Variants in DENND2C observed in about 807,000 individuals in gnomAD.
The protein encoded by DENND2C is DENN domain-containing protein 2C.
DENND2C carries 72 observed loss-of-function variants against 112.4 expected under a neutral mutation model. The ratio of observed to expected loss-of-function variants is 0.64; its 90% CI spans 0.53 to 0.78. The LOEUF (loss-of-function observed/expected upper bound fraction) is 0.78. Among genes scored for constraint, DENND2C ranks in the 30% least tolerant of loss-of-function variants. DENND2C has a pLI of 0.00. For missense variants in DENND2C, 992 were observed against 1,113.8 expected (o/e 0.89, Z 1.56); for synonymous variants, 329 against 381.6 (o/e 0.86, Z 1.61).
At chr1:114,611,670 G>A (rs897981387) in intron 8 of DENND2C, among the ~76,000 whole-genome samples, 6 of 151,990 alleles carry the variant, frequency 3.9e-5, no homozygotes, top group African/African-American at 1.5e-4. Context: ...TACTCATACT[G>A]CTTTGAACTA....
At chr1:114,588,103 C>A (rs1655091525) in intron 18 of DENND2C, 151 bp from the exon 19 acceptor site, 2 of 703,184 alleles carry the variant, frequency 2.8e-6, no homozygotes, top group Admixed American at 5.8e-5. Flanking sequence ...CACTTTCTTT[C>A]TGCACGACCT....
intron 3 of DENND2C, among the ~76,000 whole-genome samples, chr1:114,635,666 A>G (rs2101676333): frequency 6.6e-6 from 1 of 152,330 alleles, no homozygotes; most frequent in East Asian, 1.9e-4. Flanking sequence ...AAAGAAAAAT[A>G]CAGAATAATA....
chr1:114,587,451 G>A lies in DENND2C; in HGVS notation c.2691C>T (p.Ile897=). ...ACTCAGGAATTGTTTCCAAATACTG[G>A]ATGGCCCGGATCTCAAACAAACCTA... ...GVKGLFEIRA[I]QYLETIPESE... Residue 897 remains isoleucine (I), a synonymous_variant, in exon 20 of 21, where the codon ATC becomes ATT. Transcript: ENST00000393274. The A allele has an allele frequency of 1.9e-6, 3 of 1,614,138 alleles. No homozygotes were observed. The highest frequency in any genetic ancestry group is 2.5e-6 in the Non-Finnish European group (3 of 1,180,032).
chr1:114,651,149 T>C (rs566746439), intron 2 of DENND2C, among the ~76,000 whole-genome samples: 4 of 150,410 alleles, frequency 2.7e-5, no homozygotes, highest in South Asian at 2.1e-4. Flanking sequence ...CAACAAAACA[T>C]AGTAAGGGCT....
chr1:114,664,829 A>G (rs1281649169), intron 1 of DENND2C, among the ~76,000 whole-genome samples: 2 of 149,600 alleles, frequency 1.3e-5, no homozygotes, highest in Admixed American at 6.6e-5. Context: ...GTGGTGGCTC[A>G]CACCTGTAAT....
chr1:114,601,940 C>G (rs1655522924), intron 12 of DENND2C, among the ~76,000 whole-genome samples, 185 bp downstream of exon 12: 1 of 152,208 alleles, frequency 6.6e-6, no homozygotes, highest in African/African-American at 2.4e-5. Context: ...CATACCCCTT[C>G]TCTTCTAGAA....
chr1:114,618,574 G>T, intron 7 of DENND2C, 92 bp from the exon 8 acceptor site: 1 of 648,498 alleles, frequency 1.5e-6, no homozygotes, highest in South Asian at 2.8e-5. Flanking sequence ...CTTATTCAGA[G>T]AAAAGACCTA....
intron 3 of DENND2C, among the ~76,000 whole-genome samples, chr1:114,635,040 A>AAG (rs1481232423): frequency 6.7e-6 from 1 of 150,008 alleles, no homozygotes; most frequent in Non-Finnish European, 1.5e-5. Flanking sequence ...AAAAAAAAAA[A>AAG]AAAAGAAAAA....
chr1:114,666,249 C>G (rs918465850), intron 1 of DENND2C, among the ~76,000 whole-genome samples: 13 of 152,146 alleles, frequency 8.5e-5, no homozygotes, highest in African/African-American at 3.1e-4. Context: ...ATTTCAATAG[C>G]AACAGCCTCC....
rs766638332 is a variant in DENND2C, at chr1:114,587,875, T to C, written c.2509A>G (p.Met837Val). The C allele has an allele frequency of 3.7e-6, 6 of 1,614,036 alleles. No individual in the cohort carries two copies. Among genetic ancestry groups the C allele is most frequent in the East Asian group, 2.2e-5 (1 of 44,892 alleles). ...VELVGHYSLN[M>V]TVTERGERVF... ...CGCTCCCCACGCTCAGTGACAGTCATGTTCAAAGAATAATGTCCTACCAAC... is the reference window on the plus strand; with the variant it reads ...CGCTCCCCACGCTCAGTGACAGTCACGTTCAAAGAATAATGTCCTACCAAC... The change falls in exon 19 of 21, where the codon ATG becomes GTG. Residue 837 changes from methionine to valine, a missense_variant. Physicochemically the swap from Met to Val is conservative, Grantham distance 21 (BLOSUM62 1). Around this residue, in one of 3 missense-constraint regions of DENND2C, gnomAD observed 516 missense variants for 623.6 expected, o/e 0.83. Transcript: ENST00000393274.
chr1:114,666,465 CT>C (rs924806129), intron 1 of DENND2C, among the ~76,000 whole-genome samples: 2 of 150,688 alleles, frequency 1.3e-5, no homozygotes, highest in African/African-American at 2.4e-5. Context: ...TGAATCATAA[CT>C]TTTTTTTTTA....
intron 11 of DENND2C, among the ~76,000 whole-genome samples, chr1:114,604,083 T>C (rs1168159768): frequency 2.6e-5 from 4 of 152,122 alleles, no homozygotes; most frequent in Admixed American, 2.0e-4. Context: ...TTTATAAAGG[T>C]AGCAGTGCAA....
At chr1:114,616,637 T>A (rs1248883457) in intron 8 of DENND2C, among the ~76,000 whole-genome samples, 1 of 152,026 alleles carries the variant, frequency 6.6e-6, no homozygotes, top group Non-Finnish European at 1.5e-5. Flanking sequence ...GTGGATCACC[T>A]GAGGTCAGGA....
chr1:114,638,789 G>GAAAAAAAAA (rs529570234), intron 3 of DENND2C, among the ~76,000 whole-genome samples: 1 of 135,420 alleles, frequency 7.4e-6, no homozygotes, highest in African/African-American at 2.7e-5. Flanking sequence ...AGAGAAAAAA[G>GAAAAAAAAA]AAAAAAAAAG....
Position 114,585,509 on chromosome 1 carries a change from T to C in DENND2C, c.*91A>G. On this transcript the variant is annotated 3_prime_UTR_variant, in exon 21 of 21. Transcript: ENST00000393274. ...TTAACCTTTTAAAATTTCAAGAATTTTGTAGAATACTTCATGGGATCCTGA... is the reference window on the plus strand; with the variant it reads ...TTAACCTTTTAAAATTTCAAGAATTCTGTAGAATACTTCATGGGATCCTGA... 1 of 1,416,306 alleles carries C rather than the reference T, an allele frequency of 7.1e-7. No homozygotes were observed. The highest frequency in any genetic ancestry group is 9.8e-7 in the Non-Finnish European group (1 of 1,015,820). The allele number at this position is 1,416,306 out of a possible 1,614,324, so 87.7% of individuals were successfully genotyped here.
chr1:114,594,378 T>C, intron 18 of DENND2C, 95 bp downstream of exon 18: 2 of 1,008,666 alleles, frequency 2.0e-6, no homozygotes, highest in Non-Finnish European at 3.0e-6. Flanking sequence ...AATCTAATGC[T>C]ACTTTGGTAT....
At chr1:114,599,803 T>C (rs1286874043) in intron 15 of DENND2C, among the ~76,000 whole-genome samples, 1 of 152,124 alleles carries the variant, frequency 6.6e-6, no homozygotes, top group Non-Finnish European at 1.5e-5. Context: ...TTTGATGATT[T>C]ACCATTTAAA....
chr1:114,618,360 T>C (rs1359902580), intron 8 of DENND2C, 26 bp downstream of exon 8: 2 of 1,463,006 alleles, frequency 1.4e-6, no homozygotes, highest in South Asian at 2.5e-5. Context: ...AGCTACAGGA[T>C]AGCTGGAACG....
chr1:114,667,410 T>C (rs774845096), intron 1 of DENND2C, among the ~76,000 whole-genome samples: 4 of 152,152 alleles, frequency 2.6e-5, no homozygotes, highest in Non-Finnish European at 5.9e-5. Flanking sequence ...TAATTTACAG[T>C]CTGAGAACAG....
Sources: allele counts gnomAD v4.1 joint callset (sites outside exome capture counted in the v4.1 genomes callset), GRCh38; gene constraint gnomAD v4.1.1; regional missense constraint gnomAD v4.1.1; transcripts MANE v1.5; gene names NCBI Gene and HGNC (gene_info 2026-07-23, HGNC 2026-07-21).